Variants in SUGCT observed in about 807,000 individuals in gnomAD.
The protein encoded by SUGCT is succinyl-CoA:glutarate-CoA transferase.
SUGCT carries 41 observed loss-of-function variants against 55.0 expected under a neutral mutation model. That is an observed-to-expected ratio of 0.74 (90% CI 0.58 to 0.97). The LOEUF (loss-of-function observed/expected upper bound fraction) is 0.97. SUGCT is among the 50% of genes least tolerant of loss of function. SUGCT has a pLI of 0.00. For synonymous variants in SUGCT, 187 were observed against 200.4 expected (o/e 0.93, Z 0.56); for missense variants, 568 against 547.8 (o/e 1.04, Z -0.37).
At chr7:40,149,521 G>A (rs1788437312) in intron 1 of SUGCT, among the ~76,000 whole-genome samples, 2 of 152,218 alleles carry the variant, frequency 1.3e-5, no homozygotes, top group Non-Finnish European at 2.9e-5. Context: ...GGGCGCGGTG[G>A]CTCATGCCCG....
chr7:40,820,652 A>G (rs1362020468), intron 13 of SUGCT, among the ~76,000 whole-genome samples: 1 of 152,194 alleles, frequency 6.6e-6, no homozygotes, highest in Non-Finnish European at 1.5e-5. Flanking sequence ...TTATCAGCTT[A>G]AGGAGATTTT....
chr7:40,752,321 T>C (rs1480851778), intron 13 of SUGCT, among the ~76,000 whole-genome samples: 1 of 152,196 alleles, frequency 6.6e-6, no homozygotes, highest in Non-Finnish European at 1.5e-5. Context: ...CAAACCCTTA[T>C]GCCTGCATCT....
At chr7:40,359,524 G>C (rs1179392088) in intron 9 of SUGCT, among the ~76,000 whole-genome samples, 1 of 152,126 alleles carries the variant, frequency 6.6e-6, no homozygotes, top group East Asian at 1.9e-4. Flanking sequence ...ATTTAGTACA[G>C]TAAGACTGGA....
chr7:40,293,300 C>G (rs1793905756), intron 8 of SUGCT, among the ~76,000 whole-genome samples: 1 of 152,150 alleles, frequency 6.6e-6, no homozygotes, highest in African/African-American at 2.4e-5. Flanking sequence ...GGTCTCTAAG[C>G]TGTACCTTGG....
chr7:40,945,809 T>C, the SUGCT span, among the ~76,000 whole-genome samples: 3 of 152,300 alleles, frequency 2.0e-5, no homozygotes, highest in East Asian at 5.8e-4. Flanking sequence ...GCTGCTCCTC[T>C]GAGTCTAGCC....
At chr7:40,390,435 A>C (rs1389854537) in intron 9 of SUGCT, among the ~76,000 whole-genome samples, 1 of 152,224 alleles carries the variant, frequency 6.6e-6, no homozygotes, top group African/African-American at 2.4e-5. Flanking sequence ...ACTTCAGCAA[A>C]GTCTCAGGAT....
At chr7:40,927,665 G>A in the SUGCT span, among the ~76,000 whole-genome samples, 2 of 152,162 alleles carry the variant, frequency 1.3e-5, no homozygotes, top group Non-Finnish European at 2.9e-5. Flanking sequence ...TTCTAGTCAT[G>A]ATGTCCCTGC....
At chr7:40,665,232 A>G (rs2151860550) in intron 12 of SUGCT, among the ~76,000 whole-genome samples, 1 of 151,818 alleles carries the variant, frequency 6.6e-6, no homozygotes, top group Non-Finnish European at 1.5e-5. Flanking sequence ...TGAGGTCAGG[A>G]GTTTGAGACC....
chr7:40,967,471 A>G, the SUGCT span, among the ~76,000 whole-genome samples: 2 of 152,202 alleles, frequency 1.3e-5, no homozygotes, highest in Admixed American at 6.5e-5. Context: ...CCAAGCAATT[A>G]AAATACAATA....
chr7:40,342,736 A>G lies in SUGCT; in HGVS notation c.816+25881A>G, dbSNP rs546833215. Among the ~76,000 whole-genome samples the G allele has an allele frequency of 2.6e-4, 40 of 152,004 alleles. No individual in the cohort carries two copies. In the East Asian group the frequency reaches 3.5e-3, roughly 13 times the overall value. ...TGACTCACTGCAACCTCTGTCTCCC[A>G]GGTTCAAGATATTATCCTGCCTCAG... On this transcript the variant is annotated intron_variant, in intron 9 of 13. Coordinates refer to ENST00000335693, the MANE Select transcript of SUGCT (RefSeq NM_001193313.2).
the SUGCT span, among the ~76,000 whole-genome samples, chr7:40,948,433 C>CATGATGATG: frequency 6.7e-5 from 10 of 149,024 alleles, no homozygotes; most frequent in African/African-American, 2.5e-4. Flanking sequence ...CCCTGAAAAA[C>CATGATGATG]ATGATGATGA....
chr7:40,979,230 C>T, the SUGCT span: 42,863 of 152,096 alleles, frequency 0.28, 7,578 homozygotes, highest in Admixed American at 0.45. Context: ...ATCCTTGGGA[C>T]ACTTTCCTAC....
chr7:40,551,603 C>A (rs1423371603), intron 12 of SUGCT, among the ~76,000 whole-genome samples: 1 of 152,172 alleles, frequency 6.6e-6, no homozygotes, highest in Non-Finnish European at 1.5e-5. Flanking sequence ...ACTCCACATA[C>A]ACCCATGGGC....
the SUGCT span, among the ~76,000 whole-genome samples, chr7:40,908,382 CAA>C: frequency 1.6e-3 from 135 of 82,600 alleles, 3 homozygotes; most frequent in South Asian, 0.044. Flanking sequence ...GACTCTGTCT[CAA>C]AAAAAAAAAA....
chr7:40,465,510 C>A (rs1288915570), intron 11 of SUGCT, among the ~76,000 whole-genome samples: 1 of 151,776 alleles, frequency 6.6e-6, no homozygotes, highest in South Asian at 2.1e-4. Flanking sequence ...CTCGAGAAGC[C>A]GAGGAAGGAG....
rs528279174 is a variant in SUGCT, at chr7:40,209,818, G to A, written c.484+14758G>A. 4.5e-3 allele frequency among the ~76,000 whole-genome samples: 686 copies of A among 151,834 alleles called. 9 individuals carry two copies. Among genetic ancestry groups the A allele is most frequent in the African/African-American group, 0.016 (652 of 41,340 alleles). On this transcript the variant is annotated intron_variant, in intron 6 of 13. Transcript: ENST00000335693. Reference sequence around the variant, plus strand: ...CTCAAAACAAAACAAACAAACAAAAGAATAAAGATTTTATAATTATTTTTA... The same window carrying A: ...CTCAAAACAAAACAAACAAACAAAAAAATAAAGATTTTATAATTATTTTTA...
chr7:40,822,787 A>G (rs976080736), intron 13 of SUGCT, among the ~76,000 whole-genome samples: 1 of 152,116 alleles, frequency 6.6e-6, no homozygotes, highest in Non-Finnish European at 1.5e-5. Context: ...GAAATCCTGA[A>G]AGAGATATGG....
At chr7:40,676,894 CGTGTGTGTGTGTGT>C (rs3221667) in intron 12 of SUGCT, among the ~76,000 whole-genome samples, 13 of 144,054 alleles carry the variant, frequency 9.0e-5, no homozygotes, top group Non-Finnish European at 1.7e-4. Flanking sequence ...TTCAGAATGA[CGTGTGTGTGTGTGT>C]GTGTGTGTGT....
the SUGCT span, among the ~76,000 whole-genome samples, chr7:40,958,028 T>G: frequency 1.3e-5 from 2 of 152,144 alleles, no homozygotes; most frequent in Non-Finnish European, 2.9e-5. Context: ...GCAGAGAAAT[T>G]GTCTGTTAGT....
Sources: gnomAD v4.1 joint callset for allele counts (sites outside exome capture counted in the v4.1 genomes callset) on GRCh38, gnomAD v4.1.1 for gene constraint, MANE v1.5 for transcripts, NCBI Gene and HGNC (gene_info 2026-07-23, HGNC 2026-07-21) for gene names.